The following CSMD1 variants were observed in gnomAD, a reference collection of about 807,000 sequenced individuals.
CSMD1 encodes CUB and Sushi multiple domains 1, also known as CUB and sushi domain-containing protein 1.
Under a neutral mutation model 417.5 loss-of-function variants are expected in CSMD1, and 213 were observed. The ratio of observed to expected loss-of-function variants is 0.51; its 90% confidence interval spans 0.46 to 0.57. CSMD1 has a LOEUF of 0.57. Among genes scored for constraint, CSMD1 ranks in the 20% least tolerant of loss-of-function variants. CSMD1 has a pLI of 0.00. For synonymous variants in CSMD1, 2,862 were observed against 1,736.8 expected, an observed-to-expected ratio of 1.65 and a Z score of -16.11; for missense variants, 6,923 against 4,529.7, an observed-to-expected ratio of 1.53 and a Z score of -15.17.
chr8:3,708,367 G>T, intron 7 of CSMD1, 47 bp downstream of exon 7: 2 of 1,520,844 alleles, frequency 1.3e-6, no homozygotes, highest in Non-Finnish European at 9.1e-7. Context: ...TCTCTCCTCT[G>T]CTTACAAGGG....
intron 29 of CSMD1, among the ~76,000 whole-genome samples, chr8:3,215,466 C>G (rs1797828434): frequency 6.6e-6 from 1 of 152,172 alleles, no homozygotes; most frequent in Non-Finnish European, 1.5e-5. Context: ...TCCAGGACAC[C>G]TCTGCCAGGA....
intron 8 of CSMD1, among the ~76,000 whole-genome samples, chr8:3,610,618 C>G (rs1051310099): frequency 1.1e-4 from 17 of 152,262 alleles, no homozygotes; most frequent in African/African-American, 4.1e-4. Context: ...TCCTAAGCTA[C>G]CAGTATAGAT....
At chr8:4,517,718 A>T (rs1186562773) in intron 2 of CSMD1, among the ~76,000 whole-genome samples, 2 of 152,242 alleles carry the variant, frequency 1.3e-5, no homozygotes, top group African/African-American at 4.8e-5. Flanking sequence ...TTAGTTTTAA[A>T]TAACTCGTTT....
At chr8:3,511,525 C>G (rs7010817) in intron 10 of CSMD1, among the ~76,000 whole-genome samples, 1 of 151,480 alleles carries the variant, frequency 6.6e-6, no homozygotes, top group East Asian at 1.9e-4. Flanking sequence ...GAGGCCGAGG[C>G]AGGTAGATCA....
At chr8:3,898,025 C>A (rs1305466168) in intron 5 of CSMD1, among the ~76,000 whole-genome samples, 2 of 152,140 alleles carry the variant, frequency 1.3e-5, no homozygotes, top group African/African-American at 4.8e-5. Flanking sequence ...CCCAGTTTGA[C>A]AATGCTATTC....
At chr8:3,155,788 T>C (rs1440178427) in intron 39 of CSMD1, among the ~76,000 whole-genome samples, 3 of 152,200 alleles carry the variant, frequency 2.0e-5, no homozygotes, top group African/African-American at 7.2e-5. Context: ...CTAAGGTATA[T>C]TTTTCACTTG....
chr8:4,717,310 C>T (rs889511744), intron 1 of CSMD1, among the ~76,000 whole-genome samples: 5 of 137,128 alleles, frequency 3.6e-5, no homozygotes, highest in African/African-American at 1.5e-4. Context: ...TCTCTCTCTC[C>T]ATATATATAT....
At chr8:2,968,527 T>A (rs568475214) in intron 57 of CSMD1, among the ~76,000 whole-genome samples, 5 of 152,356 alleles carry the variant, frequency 3.3e-5, no homozygotes, top group Non-Finnish European at 7.3e-5. Flanking sequence ...ATCCTAATAT[T>A]GGGAATGTCC....
At chr8:3,943,170 T>C (rs1585007661) in intron 5 of CSMD1, among the ~76,000 whole-genome samples, 1 of 152,110 alleles carries the variant, frequency 6.6e-6, no homozygotes, top group Non-Finnish European at 1.5e-5. Context: ...AATATAAAAA[T>C]GACTCAATTG....
chr8:3,990,510 T>C (rs947942597), intron 5 of CSMD1, among the ~76,000 whole-genome samples: 4 of 152,206 alleles, frequency 2.6e-5, no homozygotes, highest in African/African-American at 7.2e-5. Flanking sequence ...TTTTATGGAA[T>C]CTTAGGGTAA....
intron 54 of CSMD1, among the ~76,000 whole-genome samples, chr8:2,997,090 C>A (rs1806967575): frequency 1.3e-5 from 2 of 152,228 alleles, no homozygotes; most frequent in African/African-American, 4.8e-5. Flanking sequence ...GTTTCCTTTG[C>A]ATTCTGCACT....
chr8:3,617,058 A>G (rs1227651085), intron 7 of CSMD1, among the ~76,000 whole-genome samples: 2 of 152,146 alleles, frequency 1.3e-5, no homozygotes, highest in African/African-American at 2.4e-5. Flanking sequence ...TTAATAAAAA[A>G]TCTCATTTGG....
intron 3 of CSMD1, among the ~76,000 whole-genome samples, chr8:4,153,069 G>C (rs768265062): frequency 2.0e-5 from 3 of 152,064 alleles, no homozygotes; most frequent in African/African-American, 4.8e-5. Context: ...TTTTTGAAGG[G>C]GGTATGATTC....
chr8:4,842,120 G>C (rs986847252), intron 1 of CSMD1, among the ~76,000 whole-genome samples: 1 of 152,118 alleles, frequency 6.6e-6, no homozygotes, highest in South Asian at 2.1e-4. Context: ...AAAGGTGCAA[G>C]GCACCAGCCA....
Position 3,660,543 on chromosome 8 carries a change from A to G in CSMD1, c.1010-43746T>C, listed in dbSNP as rs71502965. On this transcript the variant is annotated intron_variant, in intron 7 of 69. Transcript: ENST00000635120. ...TTTTTTTTTTTTTTTTTTTTTGAAA[A>G]AAAACAAGGCCCTGCAGTCCAGGCA... Among the ~76,000 whole-genome samples, 90 of 70,074 alleles carry G rather than the reference A, an allele frequency of 1.3e-3. 32 individuals are homozygous for G. In the East Asian group the frequency reaches 0.034, roughly 27 times the overall value. The allele number at this position is 70,074 out of a possible 152,430, so 46.0% of individuals were successfully genotyped here.
At chr8:3,759,308 A>G (rs1018905005) in intron 5 of CSMD1, among the ~76,000 whole-genome samples, 2 of 152,186 alleles carry the variant, frequency 1.3e-5, no homozygotes, top group African/African-American at 4.8e-5. Flanking sequence ...AATGATCCTG[A>G]GGAAAAGGAC....
chr8:4,828,515 T>G (rs1409349018), intron 1 of CSMD1, among the ~76,000 whole-genome samples: 1 of 152,128 alleles, frequency 6.6e-6, no homozygotes, highest in East Asian at 1.9e-4. Flanking sequence ...AAGCACCTAT[T>G]GGTCCTTTAT....
At chr8:4,867,748 G>A (rs907838510) in intron 1 of CSMD1, among the ~76,000 whole-genome samples, 2 of 152,188 alleles carry the variant, frequency 1.3e-5, no homozygotes, top group South Asian at 2.1e-4. Context: ...ATTCAATGCA[G>A]TTAGGTTTTT....
chr8:3,468,276 C>T (rs1816894319), intron 12 of CSMD1, among the ~76,000 whole-genome samples: 1 of 152,164 alleles, frequency 6.6e-6, no homozygotes, highest in African/African-American at 2.4e-5. Flanking sequence ...AAAACAATGA[C>T]AGGCACAGGG....
Sources: allele counts gnomAD v4.1 joint callset (sites outside exome capture counted in the v4.1 genomes callset), GRCh38; gene constraint gnomAD v4.1.1; transcripts MANE v1.5; gene names NCBI Gene and HGNC (gene_info 2026-07-23, HGNC 2026-07-21).